The following ACAD10 variants were observed in gnomAD, a reference collection of about 807,000 sequenced individuals.
ACAD10 encodes the protein acyl-CoA dehydrogenase family member 10.
In ACAD10, 112 loss-of-function variants were observed where a neutral mutation model predicts 116.8. That is an observed-to-expected ratio of 0.96 (90% confidence interval 0.82 to 1.12). The LOEUF (loss-of-function observed/expected upper bound fraction) is 1.12. Ranked by LOEUF, ACAD10 falls within the 50% of genes most tolerant of loss-of-function variation. The pLI, the probability that ACAD10 is intolerant of heterozygous loss-of-function variation, is 0.00. For synonymous variants in ACAD10, 486 were observed against 510.6 expected (o/e 0.95, Z 0.65); for missense variants, 1,259 against 1,350.2 (o/e 0.93, Z 1.06).
At chr12:111,727,710 CATGTGTGTGTGTGCACGTGTGTATGTAT>C (rs1889257662) in intron 8 of ACAD10, among the ~76,000 whole-genome samples, 1 of 151,832 alleles carries the variant, frequency 6.6e-6, no homozygotes, top group East Asian at 1.9e-4. Context: ...GATGGGTGTG[CATGTGTGTGTGTGCACGTGTGTATGTAT>C]ATGTGTGTGT....
intron 12 of ACAD10, among the ~76,000 whole-genome samples, chr12:111,741,859 A>G (rs1889752832): frequency 1.3e-5 from 2 of 152,230 alleles, no homozygotes; most frequent in Admixed American, 1.3e-4. Context: ...GAGAAGGGGT[A>G]TCTGTTTCCA....
chr12:111,754,153 T>G (rs1419498002), intron 19 of ACAD10, among the ~76,000 whole-genome samples: 3 of 152,124 alleles, frequency 2.0e-5, no homozygotes, highest in Non-Finnish European at 2.9e-5. Flanking sequence ...ACAGGGCCCC[T>G]GGGTGGCCCT....
chr12:111,696,410 G>A (rs1299012957), intron 2 of ACAD10, among the ~76,000 whole-genome samples: 2 of 152,086 alleles, frequency 1.3e-5, no homozygotes, highest in Non-Finnish European at 2.9e-5. Flanking sequence ...TTTGAAATAC[G>A]TAATTGAAAA....
At chr12:111,739,340 C>T (rs1889664536) in intron 12 of ACAD10, among the ~76,000 whole-genome samples, 1 of 152,192 alleles carries the variant, frequency 6.6e-6, no homozygotes, top group Admixed American at 6.5e-5. Flanking sequence ...ACCCTGGGCA[C>T]AGCACTCACA....
At position 111,709,548 on chromosome 12, in the gene ACAD10, G is replaced by A; in HGVS notation, c.554G>A (p.Gly185Glu). 6.2e-7 allele frequency: 1 copy of A among 1,606,266 alleles called. No homozygotes were observed. Among genetic ancestry groups the A allele is most frequent in the African/African-American group, 1.3e-5 (1 of 74,600 alleles). Residue 185 changes from glycine to glutamate, a missense_variant, in exon 5 of 21, where the codon GGG (glycine) becomes GAG (glutamate). Coordinates refer to ENST00000313698, the MANE Select transcript of ACAD10 (RefSeq NM_025247.6). ...FDVIVESCME[G>E]ICKPDPRIYK... ...CAGATTGTGGAGTCCTGCATGGAAG[G>A]GATCTGTAAGCCAGACCCTAGGATC... is the stretch of plus-strand genomic sequence containing the variant.
Position 111,748,451 on chromosome 12 carries a change from G to A in ACAD10, c.2620G>A (p.Val874Met). Reference protein sequence around the residue: ...PGIKIIRPLTVYGLEDAPGGH... With the variant: ...PGIKIIRPLTMYGLEDAPGGH... ...GATAAAAATCATCCGGCCTCTGACG[G>A]TGTATGGACTGGAAGATGCACCAGG... The change falls in exon 17 of 21, where the codon GTG becomes ATG. Residue 874 changes from valine (V) to methionine (M), a missense_variant. Physicochemically the swap from Val to Met is conservative, Grantham distance 21. Transcript: ENST00000313698. 1 of 1,613,770 alleles carries A rather than the reference G, an allele frequency of 6.2e-7. No homozygotes were observed. The highest frequency in any genetic ancestry group is 8.5e-7 in the Non-Finnish European group (1 of 1,180,036).
At chr12:111,699,313 A>AT (rs1888282141) in intron 2 of ACAD10, among the ~76,000 whole-genome samples, 1 of 152,248 alleles carries the variant, frequency 6.6e-6, no homozygotes, top group East Asian at 1.9e-4. Context: ...AAACCTAGTT[A>AT]TGCCAACCCC....
In ACAD10 at chr12:111,709,628, G is replaced by T; in HGVS notation, c.634G>T (p.Asp212Tyr). ...GLQPSESIFL[D>Y]DLGTNLKEAA... Reference sequence around the variant, plus strand: ...GCAGCCCTCTGAGTCCATCTTTCTTGATGACCTTGGAACAAATCTAAAAGA... The same window carrying T: ...GCAGCCCTCTGAGTCCATCTTTCTTTATGACCTTGGAACAAATCTAAAAGA... Residue 212 changes from aspartate to tyrosine, a missense_variant, in exon 5 of 21, where the codon GAT becomes TAT. Transcript: ENST00000313698. 6.2e-7 allele frequency: 1 copy of T among 1,613,994 alleles called. No individual in the cohort carries two copies. The highest frequency in any genetic ancestry group is 8.5e-7 in the Non-Finnish European group (1 of 1,179,982).
At chr12:111,727,835 C>T in intron 8 of ACAD10, 127 bp from the exon 9 acceptor site, 1 of 905,242 alleles carries the variant, frequency 1.1e-6, no homozygotes, top group African/African-American at 1.7e-5. Flanking sequence ...ATCCAGTGCT[C>T]TGGGTCTGAA....
chr12:111,691,372 A>G (rs892683471), intron 1 of ACAD10, among the ~76,000 whole-genome samples: 1 of 152,098 alleles, frequency 6.6e-6, no homozygotes, highest in Admixed American at 6.6e-5. Flanking sequence ...TGCATACAGG[A>G]GAGACTCCTA....
chr12:111,697,584 CTTT>C (rs762619644), intron 2 of ACAD10, among the ~76,000 whole-genome samples: 3 of 120,548 alleles, frequency 2.5e-5, no homozygotes, highest in Admixed American at 9.0e-5. Context: ...TGGTCTCTCT[CTTT>C]TTTTTTTTTT....
intron 8 of ACAD10, among the ~76,000 whole-genome samples, chr12:111,726,573 A>G (rs764025178): frequency 6.6e-6 from 1 of 152,210 alleles, no homozygotes; most frequent in Non-Finnish European, 1.5e-5. Flanking sequence ...TTAAAAAACA[A>G]CAACATGGCT....
At chr12:111,730,099 G>A in intron 10 of ACAD10, 143 bp downstream of exon 10, 1 of 1,225,654 alleles carries the variant, frequency 8.2e-7, no homozygotes, top group Non-Finnish European at 1.1e-6. Flanking sequence ...TTCAGGCAGG[G>A]TTTCTCAGCT....
intron 8 of ACAD10, among the ~76,000 whole-genome samples, chr12:111,722,817 C>T (rs1356075394): frequency 2.6e-5 from 4 of 152,208 alleles, no homozygotes; most frequent in African/African-American, 9.7e-5. Context: ...CATCCGATTT[C>T]TCAATCTTTT....
At chr12:111,745,263 C>A in intron 13 of ACAD10, 1 of 573,488 alleles carries the variant, frequency 1.7e-6, no homozygotes, top group Non-Finnish European at 3.0e-6. Flanking sequence ...TCAGGTGTGA[C>A]TGCACAGCCC....
chr12:111,717,672 T>C (rs1190277030), intron 7 of ACAD10, among the ~76,000 whole-genome samples: 2 of 151,908 alleles, frequency 1.3e-5, no homozygotes, highest in Non-Finnish European at 2.9e-5. Context: ...CTCAAGTGAT[T>C]CTCCGCCTCA....
intron 12 of ACAD10, among the ~76,000 whole-genome samples, chr12:111,743,890 GCA>G (rs1889816647): frequency 6.6e-6 from 1 of 151,796 alleles, no homozygotes; most frequent in African/African-American, 2.4e-5. Context: ...GAGATTACAG[GCA>G]CACACCACCA....
intron 7 of ACAD10, among the ~76,000 whole-genome samples, chr12:111,720,097 C>T (rs983461366): frequency 7.2e-5 from 11 of 152,120 alleles, no homozygotes; most frequent in Admixed American, 5.9e-4. Context: ...CTCCTGACCT[C>T]AGGTGATCCG....
intron 11 of ACAD10, among the ~76,000 whole-genome samples, chr12:111,734,663 T>C (rs1296803340): frequency 6.6e-6 from 1 of 152,080 alleles, no homozygotes; most frequent in Non-Finnish European, 1.5e-5. Context: ...GTGAAAATAC[T>C]AGAGCCAACA....
Sources: gnomAD v4.1 joint callset for allele counts (sites outside exome capture counted in the v4.1 genomes callset) on GRCh38, gnomAD v4.1.1 for gene constraint, MANE v1.5 for transcripts, NCBI Gene and HGNC (gene_info 2026-07-23, HGNC 2026-07-21) for gene names.